SMYD3: variants seen among roughly 807,000 people sequenced by gnomAD.
The protein encoded by SMYD3 is SET and MYND domain containing 3.
A neutral mutation model predicts 57.7 loss-of-function variants in SMYD3; 36 were observed. The ratio of observed to expected loss-of-function variants is 0.62; its 90% CI spans 0.48 to 0.82. The LOEUF (loss-of-function observed/expected upper bound fraction) is 0.82. Among genes scored for constraint, SMYD3 ranks in the 40% least tolerant of loss-of-function variants. SMYD3 has a pLI of 0.00. For missense variants in SMYD3, 515 were observed against 538.8 expected, an observed-to-expected ratio of 0.96 and a Z score of 0.44; for synonymous variants, 211 against 195.0, an observed-to-expected ratio of 1.08 and a Z score of -0.68.
intron 5 of SMYD3, among the ~76,000 whole-genome samples, chr1:245,972,424 C>T (rs12124764): frequency 0.4 from 60,710 of 152,104 alleles, 15,282 homozygotes; most frequent in Non-Finnish European, 0.57. Flanking sequence ...GAATCTGCAC[C>T]TCCCCCTTAC....
At chr1:246,421,869 G>C (rs1439230301) in intron 1 of SMYD3, among the ~76,000 whole-genome samples, 1 of 152,184 alleles carries the variant, frequency 6.6e-6, no homozygotes, top group Non-Finnish European at 1.5e-5. Flanking sequence ...GCAGAAGATG[G>C]ATGTGCCAGC....
rs192015620 is a variant in SMYD3 at position 245,995,746 on chromosome 1, G to T, written c.532-65809C>A. ...TTCTAAGCAGGGCTGCCACCCAGAAGCACAACTTCCCCAGGAGGGGGATTT... is the reference window on the plus strand; with the variant it reads ...TTCTAAGCAGGGCTGCCACCCAGAATCACAACTTCCCCAGGAGGGGGATTT... On this transcript the variant is annotated intron_variant, in intron 5 of 11. Transcript: ENST00000490107. 4.9e-4 allele frequency among the ~76,000 whole-genome samples: 75 copies of T among 152,306 alleles called. 1 individual carries two copies. The highest frequency in any genetic ancestry group is 1.6e-3 in the African/African-American group (67 of 41,572).
At chr1:245,774,651 C>T (rs1211946871) in intron 10 of SMYD3, among the ~76,000 whole-genome samples, 1 of 126,824 alleles carries the variant, frequency 7.9e-6, no homozygotes, top group Non-Finnish European at 1.7e-5. Flanking sequence ...TCTCCCTCTC[C>T]CTCTCTTTCC....
intron 5 of SMYD3, among the ~76,000 whole-genome samples, chr1:246,117,563 A>C (rs2061359911): frequency 6.6e-6 from 1 of 152,224 alleles, no homozygotes; most frequent in Non-Finnish European, 1.5e-5. Context: ...ATACAAACTC[A>C]GTAATGACAA....
intron 8 of SMYD3, among the ~76,000 whole-genome samples, chr1:245,881,260 G>T (rs1046306350): frequency 1.3e-5 from 2 of 152,148 alleles, no homozygotes; most frequent in Admixed American, 6.5e-5. Context: ...GGCATGAACT[G>T]CAAGCAGAAA....
Position 246,277,746 on chromosome 1 carries a change from T to C in SMYD3, c.531+49455A>G, listed in dbSNP as rs145850466. Among the ~76,000 whole-genome samples, 647 of 152,286 alleles carry C rather than the reference T, an allele frequency of 4.2e-3. 3 individuals carry two copies. The highest frequency in any genetic ancestry group is 0.014 in the African/African-American group (572 of 41,556). ...CGACATGGATGAACCTCAGAATCATTATGCTAAGTGAAAAGAGTCAGACCA... is the reference window on the plus strand; with the variant it reads ...CGACATGGATGAACCTCAGAATCATCATGCTAAGTGAAAAGAGTCAGACCA... On this transcript the variant is annotated intron_variant, in intron 5 of 11. Transcript: ENST00000490107.
intron 2 of SMYD3, among the ~76,000 whole-genome samples, chr1:246,343,642 G>C (rs1456549779): frequency 6.6e-6 from 1 of 152,206 alleles, no homozygotes; most frequent in Non-Finnish European, 1.5e-5. Context: ...ATGCCAAAGA[G>C]TCTCAAAACA....
intron 8 of SMYD3, among the ~76,000 whole-genome samples, chr1:245,870,785 G>C (rs867227827): frequency 3.3e-5 from 5 of 152,188 alleles, no homozygotes; most frequent in African/African-American, 4.8e-5. Flanking sequence ...GTCCAGCCAG[G>C]CTAGCTGAGT....
intron 5 of SMYD3, among the ~76,000 whole-genome samples, chr1:246,238,230 T>G (rs927433341): frequency 3.9e-5 from 6 of 152,080 alleles, no homozygotes; most frequent in African/African-American, 1.4e-4. Flanking sequence ...TGGGTATCAT[T>G]GTGTTACCCA....
At chr1:245,938,526 G>GTA (rs1171624260) in intron 5 of SMYD3, among the ~76,000 whole-genome samples, 4 of 152,230 alleles carry the variant, frequency 2.6e-5, no homozygotes, top group Non-Finnish European at 4.4e-5. Context: ...ATCTCTCCAG[G>GTA]TATGCTCCTT....
chr1:245,777,702 C>G (rs986375851), intron 10 of SMYD3, among the ~76,000 whole-genome samples: 1 of 152,126 alleles, frequency 6.6e-6, no homozygotes, highest in African/African-American at 2.4e-5. Flanking sequence ...AGAGGTCCCC[C>G]TGTGTCTTCT....
chr1:246,360,787 C>G (rs2148713101), intron 1 of SMYD3, among the ~76,000 whole-genome samples: 1 of 152,270 alleles, frequency 6.6e-6, no homozygotes, highest in Non-Finnish European at 1.5e-5. Flanking sequence ...TCACCTTACA[C>G]AAAAATCAAC....
rs113944527 is a variant in SMYD3 at position 246,441,225 on chromosome 1, G to C, written c.164+65829C>G. On this transcript the variant is annotated intron_variant, in intron 1 of 11. Coordinates refer to ENST00000490107, the MANE Select transcript of SMYD3 (RefSeq NM_001167740.2). Reference sequence around the variant, plus strand: ...GGTAGGTAAAATTCACGCTGAGCCAGTTCTTTCTTGGTCGTCATTTGTGTA... The same window carrying C: ...GGTAGGTAAAATTCACGCTGAGCCACTTCTTTCTTGGTCGTCATTTGTGTA... Among the ~76,000 whole-genome samples the C allele has an allele frequency of 7.8e-3, 1,195 of 152,288 alleles. 14 individuals carry two copies. Among genetic ancestry groups the C allele is most frequent in the African/African-American group, 0.025 (1,047 of 41,564 alleles).
At chr1:246,172,397 C>T (rs2062354852) in intron 5 of SMYD3, among the ~76,000 whole-genome samples, 1 of 150,930 alleles carries the variant, frequency 6.6e-6, no homozygotes, top group African/African-American at 2.4e-5. Context: ...AGAACACTCA[C>T]TGTACTGTAG....
intron 10 of SMYD3, among the ~76,000 whole-genome samples, chr1:245,780,693 C>T (rs912757755): frequency 1.3e-4 from 20 of 152,254 alleles, no homozygotes; most frequent in African/African-American, 4.8e-4. Flanking sequence ...TATGCAAGCG[C>T]TATCTCAATT....
At chr1:246,134,384 C>G (rs1480012261) in intron 5 of SMYD3, among the ~76,000 whole-genome samples, 2 of 152,040 alleles carry the variant, frequency 1.3e-5, no homozygotes, top group East Asian at 1.9e-4. Context: ...CTTATGTATT[C>G]AATTCAGCTA....
chr1:246,207,875 A>T (rs956998145), intron 5 of SMYD3, among the ~76,000 whole-genome samples: 1 of 133,758 alleles, frequency 7.5e-6, no homozygotes, highest in African/African-American at 2.9e-5. Context: ...CACATTAATA[A>T]GAGACAGGGA....
intron 2 of SMYD3, among the ~76,000 whole-genome samples, chr1:246,354,821 C>T (rs1194980279): frequency 6.6e-6 from 1 of 152,128 alleles, no homozygotes; most frequent in African/African-American, 2.4e-5. Context: ...GACATATACA[C>T]ACACACACCC....
At chr1:246,370,227 G>T (rs950317682) in intron 1 of SMYD3, among the ~76,000 whole-genome samples, 37 of 152,190 alleles carry the variant, frequency 2.4e-4, no homozygotes, top group African/African-American at 8.9e-4. Flanking sequence ...GATGACAGTG[G>T]AGAGGGTAAT....
Sources: gnomAD v4.1 joint callset for allele counts (sites outside exome capture counted in the v4.1 genomes callset) on GRCh38, gnomAD v4.1.1 for gene constraint, MANE v1.5 for transcripts, NCBI Gene and HGNC (gene_info 2026-07-23, HGNC 2026-07-21) for gene names.